Variants in CFDP1 observed in about 807,000 individuals in gnomAD.
The protein encoded by CFDP1 is chromatin remodeling protein CFDP1, also known as heterochromatin-stabilizing protein CFDP1.
In CFDP1, 31 loss-of-function variants were observed where a neutral mutation model predicts 40.1. That is an observed-to-expected ratio of 0.77 (90% CI 0.58 to 1.04). CFDP1 has a LOEUF of 1.04. Ranked by LOEUF, CFDP1 falls within the 50% of genes least tolerant of loss-of-function variation. CFDP1 has a pLI of 0.00. For missense variants in CFDP1, 423 were observed against 343.4 expected, an observed-to-expected ratio of 1.23 and a Z score of -1.83; for synonymous variants, 167 against 120.0, an observed-to-expected ratio of 1.39 and a Z score of -2.56.
intron 5 of CFDP1, among the ~76,000 whole-genome samples, chr16:75,335,682 G>A (rs1345905429): frequency 2.0e-5 from 3 of 150,912 alleles, no homozygotes; most frequent in Non-Finnish European, 2.9e-5. Flanking sequence ...TCAGCCTCCC[G>A]AGTAGCTGGG....
chr16:75,382,351 G>A (rs1055933853), intron 5 of CFDP1, among the ~76,000 whole-genome samples: 1 of 152,158 alleles, frequency 6.6e-6, no homozygotes, highest in African/African-American at 2.4e-5. Context: ...TCATTATGGT[G>A]TTAGAAGTTC....
chr16:75,404,138 A>G (rs2079078954), intron 4 of CFDP1, among the ~76,000 whole-genome samples: 1 of 151,820 alleles, frequency 6.6e-6, no homozygotes, highest in South Asian at 2.1e-4. Flanking sequence ...TCTCAAAATA[A>G]TAATAGTAAT....
intron 5 of CFDP1, among the ~76,000 whole-genome samples, chr16:75,384,640 A>G (rs896533982): frequency 6.6e-6 from 1 of 152,038 alleles, no homozygotes; most frequent in Non-Finnish European, 1.5e-5. Flanking sequence ...CATAAAAAAC[A>G]TATGTGTAAG....
chr16:75,363,715 C>CA (rs1444797613), intron 5 of CFDP1, among the ~76,000 whole-genome samples: 2 of 151,618 alleles, frequency 1.3e-5, no homozygotes, highest in African/African-American at 4.8e-5. Flanking sequence ...TTTATCTATG[C>CA]AAAAAAAGGT....
At chr16:75,319,459 G>A (rs1039108816) in intron 5 of CFDP1, among the ~76,000 whole-genome samples, 5 of 152,132 alleles carry the variant, frequency 3.3e-5, no homozygotes, top group African/African-American at 9.7e-5. Context: ...GGGGGGGAAC[G>A]TGCTTTATGG....
At chr16:75,335,866 G>A (rs115603186) in intron 5 of CFDP1, among the ~76,000 whole-genome samples, 3,344 of 152,134 alleles carry the variant, frequency 0.022, 70 homozygotes, top group African/African-American at 0.053. Flanking sequence ...AAATCTCCAT[G>A]TATTTAGCTT....
At chr16:75,348,794 T>C (rs906491111) in intron 5 of CFDP1, among the ~76,000 whole-genome samples, 4 of 152,232 alleles carry the variant, frequency 2.6e-5, no homozygotes, top group Admixed American at 6.5e-5. Flanking sequence ...GATTTCAGCA[T>C]ACAATTGTGC....
chr16:75,412,020 ATTTT>A, intron 3 of CFDP1, 68 bp from the exon 4 acceptor site: 1 of 1,393,810 alleles, frequency 7.2e-7, no homozygotes, highest in Non-Finnish European at 9.6e-7. Flanking sequence ...GATACTTTTT[ATTTT>A]TTTTTCTTTG....
At chr16:75,331,369 G>A (rs1374294259) in intron 5 of CFDP1, among the ~76,000 whole-genome samples, 1 of 151,998 alleles carries the variant, frequency 6.6e-6, no homozygotes, top group Non-Finnish European at 1.5e-5. Context: ...CTCTCACCTC[G>A]GCCTCCCAAA....
Position 75,397,855 on chromosome 16 carries a change from C to T in CFDP1, c.531-2646G>A, listed in dbSNP as rs1567671587. Among the ~76,000 whole-genome samples the T allele has an allele frequency of 2.6e-5, 4 of 152,120 alleles. No homozygotes were observed. In the South Asian group the frequency reaches 8.3e-4, roughly 32 times the overall value. On this transcript the variant is annotated intron_variant, in intron 4 of 6. Transcript: ENST00000283882. ...AAAGAACAAAACAAAACAAATCCTT[C>T]CCTACTCCACTGATGCTGAGCTTGG...
intron 5 of CFDP1, among the ~76,000 whole-genome samples, chr16:75,335,458 A>G (rs1374952885): frequency 6.6e-6 from 1 of 152,024 alleles, no homozygotes; most frequent in Non-Finnish European, 1.5e-5. Flanking sequence ...GTCCATCCGG[A>G]GAGATTCTCT....
chr16:75,310,996 T>C (rs1046768472), intron 5 of CFDP1, among the ~76,000 whole-genome samples: 7 of 152,194 alleles, frequency 4.6e-5, no homozygotes, highest in African/African-American at 7.2e-5. Flanking sequence ...TATAAAAATA[T>C]ACAAAGCTTA....
intron 5 of CFDP1, among the ~76,000 whole-genome samples, chr16:75,346,099 C>G (rs895526978): frequency 6.6e-6 from 1 of 152,236 alleles, no homozygotes; most frequent in South Asian, 2.1e-4. Context: ...CCCATGAGCA[C>G]TTCACTGTGC....
At chr16:75,382,045 G>A (rs1190466180) in intron 5 of CFDP1, among the ~76,000 whole-genome samples, 1 of 151,634 alleles carries the variant, frequency 6.6e-6, no homozygotes, top group African/African-American at 2.4e-5. Context: ...GAGCCAGAAT[G>A]CAGAGGTTGT....
At chr16:75,358,477 G>A (rs1232653717) in intron 5 of CFDP1, among the ~76,000 whole-genome samples, 1 of 106,426 alleles carries the variant, frequency 9.4e-6, no homozygotes, top group Non-Finnish European at 2.3e-5. Flanking sequence ...ATAAAATGAG[G>A]TATTTATTAA....
At chr16:75,389,251 G>C (rs1340998132) in intron 5 of CFDP1, among the ~76,000 whole-genome samples, 1 of 152,196 alleles carries the variant, frequency 6.6e-6, no homozygotes, top group Non-Finnish European at 1.5e-5. Context: ...GTAAGGACTG[G>C]GGAGTGAGGG....
intron 5 of CFDP1, among the ~76,000 whole-genome samples, chr16:75,327,426 G>T (rs564300997): frequency 6.6e-6 from 1 of 152,184 alleles, no homozygotes; most frequent in East Asian, 1.9e-4. Context: ...AGAATGGAAG[G>T]CCCCAGAGGG....
At chr16:75,378,712 A>G (rs1188331917) in intron 5 of CFDP1, among the ~76,000 whole-genome samples, 1 of 152,176 alleles carries the variant, frequency 6.6e-6, no homozygotes, top group Non-Finnish European at 1.5e-5. Flanking sequence ...AAGGGGTAGT[A>G]GTTAGAGTTT....
intron 5 of CFDP1, among the ~76,000 whole-genome samples, chr16:75,357,661 G>T (rs1231223379): frequency 1.3e-5 from 2 of 152,140 alleles, no homozygotes; most frequent in Non-Finnish European, 2.9e-5. Flanking sequence ...AAGGGTTAAG[G>T]CCTTACTCTG....
Sources: allele counts gnomAD v4.1 joint callset (sites outside exome capture counted in the v4.1 genomes callset), GRCh38; gene constraint gnomAD v4.1.1; transcripts MANE v1.5; gene names NCBI Gene and HGNC (gene_info 2026-07-23, HGNC 2026-07-21).